Variants in CAB39 observed in about 807,000 individuals in gnomAD.
CAB39 encodes the protein calcium binding protein 39, also known as calcium-binding protein 39.
Under a neutral mutation model 40.0 loss-of-function variants are expected in CAB39, and 8 were observed. The ratio of observed to expected loss-of-function variants is 0.20; its 90% CI spans 0.12 to 0.36. The LOEUF (loss-of-function observed/expected upper bound fraction) is 0.36, where lower values mean the gene tolerates loss of function less well. Among genes scored for constraint, CAB39 ranks in the 10% least tolerant of loss-of-function variants. The pLI is 1.00. For synonymous variants in CAB39, 156 were observed against 141.6 expected, an observed-to-expected ratio of 1.10 and a Z score of -0.72; for missense variants, 270 against 401.1, an observed-to-expected ratio of 0.67 and a Z score of 2.79.
At chr2:230,739,648 C>G (rs888808660) in intron 1 of CAB39, among the ~76,000 whole-genome samples, 1 of 152,218 alleles carries the variant, frequency 6.6e-6, no homozygotes. Flanking sequence ...GCATGCGCCA[C>G]CACGCCCAGC....
intron 1 of CAB39, among the ~76,000 whole-genome samples, chr2:230,749,163 C>T (rs899663210): frequency 3.1e-4 from 47 of 151,706 alleles, no homozygotes; most frequent in African/African-American, 1.0e-3. Context: ...ATTAAATATA[C>T]AATACTTTAA....
intron 2 of CAB39, among the ~76,000 whole-genome samples, chr2:230,763,671 C>T (rs1007579410): frequency 6.6e-6 from 1 of 151,884 alleles, no homozygotes; most frequent in Non-Finnish European, 1.5e-5. Flanking sequence ...ATTTTAATAG[C>T]CTTTCAGATA....
intron 1 of CAB39, among the ~76,000 whole-genome samples, chr2:230,753,865 GT>G (rs1210062627): frequency 4.0e-4 from 61 of 152,074 alleles, no homozygotes; most frequent in African/African-American, 1.4e-3. Flanking sequence ...GTGAACTTCA[GT>G]TATGTCCAAA....
At chr2:230,806,142 C>CT (rs1274835564) in intron 5 of CAB39, among the ~76,000 whole-genome samples, 1 of 152,100 alleles carries the variant, frequency 6.6e-6, no homozygotes, top group Non-Finnish European at 1.5e-5. Flanking sequence ...ATAATAATTA[C>CT]TAGGATGTAG....
chr2:230,730,302 C>T (rs1008386533), intron 1 of CAB39, among the ~76,000 whole-genome samples: 3 of 152,022 alleles, frequency 2.0e-5, no homozygotes, highest in African/African-American at 7.2e-5. Context: ...AGGGTTTCAC[C>T]ATGTTGCCCA....
intron 4 of CAB39, among the ~76,000 whole-genome samples, chr2:230,793,881 A>C (rs554024818): frequency 6.6e-6 from 1 of 152,320 alleles, no homozygotes; most frequent in Non-Finnish European, 1.5e-5. Flanking sequence ...TGAAATTACT[A>C]CTGGTCTAAG....
intron 1 of CAB39, among the ~76,000 whole-genome samples, chr2:230,730,507 C>T (rs1271085896): frequency 6.7e-6 from 1 of 149,106 alleles, no homozygotes; most frequent in Non-Finnish European, 1.5e-5. Flanking sequence ...TGCAGTGGTG[C>T]GACCTCGGCT....
Position 230,798,858 on chromosome 2 carries a change from A to C in CAB39, c.528A>C (p.Ser176=). The C allele has an allele frequency of 1.9e-6, 3 of 1,605,242 alleles. No individual in the cohort carries two copies. The highest frequency in any genetic ancestry group is 2.6e-6 in the Non-Finnish European group (3 of 1,174,186). Residue 176 remains serine, a synonymous_variant, in exon 5 of 9, where the codon TCA becomes TCC. Transcript: ENST00000258418. Reference sequence around the variant, plus strand: ...ATTTCTTCAGATATGTCGAAATGTCAACATTTGACATAGCTTCAGATGCAT... The same window carrying C: ...ATTTCTTCAGATATGTCGAAATGTCCACATTTGACATAGCTTCAGATGCAT... ...FYDFFRYVEM[S]TFDIASDAFA... is the part of the protein sequence containing the mutation.
At chr2:230,790,255 T>A (rs1019901440) in intron 2 of CAB39, among the ~76,000 whole-genome samples, 2 of 148,314 alleles carry the variant, frequency 1.3e-5, no homozygotes, top group African/African-American at 4.9e-5. Flanking sequence ...AAAAAAAAAA[T>A]GTCGTTTTAT....
At chr2:230,774,232 TG>T (rs1403902781) in intron 2 of CAB39, among the ~76,000 whole-genome samples, 6 of 152,222 alleles carry the variant, frequency 3.9e-5, no homozygotes, top group African/African-American at 7.2e-5. Flanking sequence ...ATCCATTTCT[TG>T]TGATCTCACA....
At chr2:230,798,442 A>C (rs1265038979) in intron 4 of CAB39, among the ~76,000 whole-genome samples, 2 of 152,184 alleles carry the variant, frequency 1.3e-5, no homozygotes, top group Non-Finnish European at 2.9e-5. Flanking sequence ...TTCTCTTGAA[A>C]TCTTTCAGCT....
rs138998591 is a variant in CAB39, at chr2:230,759,519, C to T, written c.-43-440C>T. On this transcript the variant is annotated intron_variant, in intron 1 of 8. Coordinates refer to ENST00000258418, the MANE Select transcript of CAB39 (RefSeq NM_016289.4). ...CTGAGCTTGTTTGACCACTTAGTAC[C>T]TTGAGCCTCACGCTCAACCTTGCTA... Among the ~76,000 whole-genome samples the T allele has an allele frequency of 7.2e-5, 11 of 152,306 alleles. 1 individual carries two copies. The highest frequency in any genetic ancestry group is 2.6e-4 in the African/African-American group (11 of 41,560).
intron 6 of CAB39, among the ~76,000 whole-genome samples, chr2:230,812,779 A>C (rs1176095019): frequency 6.6e-6 from 1 of 152,170 alleles, no homozygotes; most frequent in Non-Finnish European, 1.5e-5. Context: ...CAGAAAGCAA[A>C]TTTTTGAGGC....
intron 2 of CAB39, among the ~76,000 whole-genome samples, chr2:230,786,411 G>T (rs554298915): frequency 6.6e-6 from 1 of 152,026 alleles, no homozygotes; most frequent in African/African-American, 2.4e-5. Flanking sequence ...TTTACATGCC[G>T]TATAGTTCAC....
intron 4 of CAB39, among the ~76,000 whole-genome samples, chr2:230,795,276 C>T (rs74463520): frequency 5.6e-5 from 8 of 142,078 alleles, no homozygotes; most frequent in Admixed American, 1.4e-4. Context: ...ACTTGATTTC[C>T]AAAAAAAAAA....
Position 230,748,851 on chromosome 2 carries a change from T to A in CAB39, c.-43-11108T>A, listed in dbSNP as rs1422502209. 4.5e-4 allele frequency among the ~76,000 whole-genome samples: 54 copies of A among 119,618 alleles called. 1 individual carries two copies. Among genetic ancestry groups the A allele is most frequent in the African/African-American group, 1.1e-3 (36 of 33,538 alleles). 78.5% of individuals were successfully genotyped at this position (119,618 alleles called of 152,430 possible). ...AAAAAAATATATATATATATATATA[T>A]ATATATATATATATATAACAAAATG... is the stretch of plus-strand genomic sequence containing the variant. On this transcript the variant is annotated intron_variant, in intron 1 of 8. Transcript: ENST00000258418.
chr2:230,725,273 A>G (rs1448202848), intron 1 of CAB39: 4 of 1,578,030 alleles, frequency 2.5e-6, no homozygotes, highest in Admixed American at 1.7e-5. Context: ...GCCAAGGACA[A>G]CGTAGGCCTT....
chr2:230,730,915 C>T (rs1342718178), intron 1 of CAB39, among the ~76,000 whole-genome samples: 2 of 152,196 alleles, frequency 1.3e-5, no homozygotes, highest in Non-Finnish European at 2.9e-5. Flanking sequence ...TGATAACTGC[C>T]ATTTATTAGT....
intron 1 of CAB39, among the ~76,000 whole-genome samples, chr2:230,731,221 A>C (rs542420912): frequency 1.3e-5 from 2 of 152,226 alleles, no homozygotes; most frequent in African/African-American, 4.8e-5. Flanking sequence ...GGGGGGTGCT[A>C]TTAGAGATTT....
Sources: allele counts gnomAD v4.1 joint callset (sites outside exome capture counted in the v4.1 genomes callset), GRCh38; gene constraint gnomAD v4.1.1; transcripts MANE v1.5; gene names NCBI Gene and HGNC (gene_info 2026-07-23, HGNC 2026-07-21).